The following GPR173 variants were observed in gnomAD, a reference collection of about 807,000 sequenced individuals.
GPR173 encodes the protein G protein-coupled receptor 173.
A neutral mutation model predicts 13.9 loss-of-function variants in GPR173; 2 were observed. That is an observed-to-expected ratio of 0.14 (90% CI 0.06 to 0.45). GPR173 has a LOEUF of 0.45. GPR173 is among the 20% of genes least tolerant of loss of function. The pLI is 0.98. For synonymous variants in GPR173, 131 were observed against 141.0 expected, an observed-to-expected ratio of 0.93 and a Z score of 0.50; for missense variants, 202 against 340.5, an observed-to-expected ratio of 0.59 and a Z score of 3.20.
rs2146687886 is a variant in GPR173 at position 53,078,250 on chromosome X, C to T, written c.*507C>T. On this transcript the variant is annotated 3_prime_UTR_variant, in exon 2 of 2. Coordinates refer to ENST00000332582, the MANE Select transcript of GPR173 (RefSeq NM_018969.6). The stretch of plus-strand genomic sequence containing the variant: ...CCCCTTCCAAGTCCTTTAGCAAGGC[C>T]TGGATGTTTAGGGAGAAAGTGGTCC... The T allele has an allele frequency of 7.9e-6, 1 of 126,887 alleles. No individual in the cohort carries two copies. Among genetic ancestry groups the T allele is most frequent in the African/African-American group, 3.3e-5 (1 of 30,568 alleles). 10.5% of individuals were successfully genotyped at this position (126,887 alleles called of 1,213,427 possible).
intron 1 of GPR173, among the ~76,000 whole-genome samples, chrX:53,073,043 C>T (rs1204773707): frequency 1.8e-5 from 2 of 110,605 alleles, no homozygotes; most frequent in African/African-American, 3.3e-5. Flanking sequence ...GCTAGCATCA[C>T]AAAACCCTGT....
At chrX:53,061,880 T>C (rs1428844575) in intron 1 of GPR173, among the ~76,000 whole-genome samples, 1 of 110,100 alleles carries the variant, frequency 9.1e-6, no homozygotes, top group African/African-American at 3.3e-5. Flanking sequence ...GGGGCATGCA[T>C]CTAGCAAGGG....
chrX:53,070,650 A>C (rs1556804689), intron 1 of GPR173, among the ~76,000 whole-genome samples: 1 of 109,368 alleles, frequency 9.1e-6, no homozygotes, highest in South Asian at 3.9e-4. Flanking sequence ...ACGCCCAGCT[A>C]ATTTTGTATT....
intron 1 of GPR173, among the ~76,000 whole-genome samples, chrX:53,055,720 G>A (rs1253286128): frequency 1.8e-5 from 2 of 109,871 alleles, no homozygotes; most frequent in African/African-American, 6.7e-5. Flanking sequence ...GGTTGTGTGT[G>A]GATGTAGTTA....
At chrX:53,070,969 C>CTTT (rs1210687869) in intron 1 of GPR173, 3 of 95,267 alleles carry the variant, frequency 3.1e-5, no homozygotes, top group Non-Finnish European at 4.1e-5. Context: ...CTCCCAATGT[C>CTTT]TTTTTTTTTT....
chrX:53,065,744 G>A (rs1023925139), intron 1 of GPR173, among the ~76,000 whole-genome samples: 7 of 111,983 alleles, frequency 6.3e-5, no homozygotes, highest in African/African-American at 1.9e-4. Context: ...TGCTTCAAAG[G>A]GAGGATTCTT....
chrX:53,068,525 C>G (rs1193639540), intron 1 of GPR173, among the ~76,000 whole-genome samples: 1 of 108,927 alleles, frequency 9.2e-6, no homozygotes, highest in Non-Finnish European at 1.9e-5. Context: ...CCTGTAATCC[C>G]AAGACTTTGG....
intron 1 of GPR173, among the ~76,000 whole-genome samples, chrX:53,066,224 A>G (rs781798956): frequency 8.9e-6 from 1 of 112,230 alleles, no homozygotes; most frequent in Admixed American, 9.5e-5. Flanking sequence ...ACTTACCCTA[A>G]TAAGTCTTCT....
chrX:53,066,558 C>G (rs1412707478), intron 1 of GPR173, among the ~76,000 whole-genome samples: 1 of 109,550 alleles, frequency 9.1e-6, no homozygotes, highest in South Asian at 4.0e-4. Flanking sequence ...GTCCCAGCTA[C>G]TTGGGAGGCA....
At chrX:53,067,693 A>G (rs1036486570) in intron 1 of GPR173, among the ~76,000 whole-genome samples, 7 of 110,847 alleles carry the variant, frequency 6.3e-5, no homozygotes, top group South Asian at 7.6e-4. Context: ...GCATGGTGGC[A>G]GGTGCCTGTA....
At chrX:53,059,153 G>A (rs374993207) in intron 1 of GPR173, among the ~76,000 whole-genome samples, 85 of 107,807 alleles carry the variant, frequency 7.9e-4, no homozygotes, top group East Asian at 7.7e-3. Flanking sequence ...GGAGGCTAAG[G>A]CAGGAGAATG....
intron 1 of GPR173, among the ~76,000 whole-genome samples, chrX:53,057,933 C>T (rs1556803352): frequency 8.9e-6 from 1 of 112,276 alleles, no homozygotes; most frequent in Non-Finnish European, 1.9e-5. Flanking sequence ...TGTCCATCTG[C>T]AAGTGTGAAT....
At chrX:53,070,050 C>T (rs915064498) in intron 1 of GPR173, among the ~76,000 whole-genome samples, 1 of 110,783 alleles carries the variant, frequency 9.0e-6, no homozygotes. Flanking sequence ...GGTTCAAGTG[C>T]GTGTCAGCCT....
intron 1 of GPR173, among the ~76,000 whole-genome samples, chrX:53,051,953 A>T (rs1602087104): frequency 9.0e-6 from 1 of 110,697 alleles, no homozygotes. Context: ...ATATGAGTGT[A>T]TCTGTCCTGC....
At chrX:53,075,480 T>C (rs1310355072) in intron 1 of GPR173, among the ~76,000 whole-genome samples, 1 of 105,315 alleles carries the variant, frequency 9.5e-6, no homozygotes, top group Non-Finnish European at 1.9e-5. Context: ...GGGATCTTTA[T>C]CTGTGTAGTT....
In GPR173 at chrX:53,074,382, AT is replaced by A. The variant is rs1556805438; in HGVS notation, c.-97-2142del. Among the ~76,000 whole-genome samples the A allele has an allele frequency of 8.9e-4, 57 of 64,016 alleles. 2 individuals carry two copies. Among genetic ancestry groups the A allele is most frequent in the Non-Finnish European group, 1.4e-3 (55 of 39,928 alleles). The allele number at this position is 64,016 out of a possible 115,157, so 55.6% of individuals were successfully genotyped here. A position where few individuals can be genotyped will look rare whatever the true frequency, so the allele number is the denominator to read the frequency against. Reference sequence around the variant, plus strand: ...TTTATATTTATTTATAAATAAATATATAAATATATATAAATATATATTTATA... The same window carrying A: ...TTTATATTTATTTATAAATAAATATAAAATATATATAAATATATATTTATA... On this transcript the variant is annotated intron_variant, in intron 1 of 1. Transcript: ENST00000332582.
intron 1 of GPR173, among the ~76,000 whole-genome samples, chrX:53,056,123 G>A (rs782214496): frequency 2.7e-5 from 3 of 109,454 alleles, no homozygotes; most frequent in Non-Finnish European, 5.7e-5. Flanking sequence ...AGTTGGGGTG[G>A]GGTACAAGTT....
rs1427100063 is a variant in GPR173, at chrX:53,077,015, G to A, written c.394G>A (p.Ala132Thr). 6 of 1,209,969 alleles carry A rather than the reference G, an allele frequency of 5.0e-6. No homozygotes were observed. Among genetic ancestry groups the A allele is most frequent in the South Asian group, 3.5e-5 (2 of 57,010 alleles). Residue 132 changes from alanine (A) to threonine (T), a missense_variant, in exon 2 of 2, where the codon GCC (alanine) becomes ACC (threonine). Transcript: ENST00000332582. ...YMAIAHHRFY[A>T]KRMTLWTCAA... Reference sequence around the variant, plus strand: ...GGCCATCGCCCACCACCGCTTCTACGCCAAGCGCATGACACTCTGGACATG... The same window carrying A: ...GGCCATCGCCCACCACCGCTTCTACACCAAGCGCATGACACTCTGGACATG...
intron 1 of GPR173, among the ~76,000 whole-genome samples, chrX:53,070,137 T>G (rs1232933348): frequency 3.6e-5 from 4 of 111,766 alleles, no homozygotes; most frequent in African/African-American, 1.3e-4. Context: ...TATACAACTT[T>G]GTGTATATCT....
Sources: gnomAD v4.1 joint callset for allele counts (sites outside exome capture counted in the v4.1 genomes callset) on GRCh38, gnomAD v4.1.1 for gene constraint, MANE v1.5 for transcripts, NCBI Gene and HGNC (gene_info 2026-07-23, HGNC 2026-07-21) for gene names.